MNS1: variants seen among roughly 807,000 people sequenced by gnomAD.
MNS1 encodes meiosis specific nuclear structural 1.
Under a neutral mutation model 72.0 loss-of-function variants are expected in MNS1, and 63 were observed. The observed-to-expected ratio is 0.87, with a 90% CI of 0.71 to 1.08. The LOEUF is 1.08. Ranked by LOEUF, MNS1 falls within the 50% of genes least tolerant of loss-of-function variation. The pLI, the probability that MNS1 is intolerant of heterozygous loss-of-function variation, is 0.00. For synonymous variants in MNS1, 188 were observed against 172.1 expected, an observed-to-expected ratio of 1.09 and a Z score of -0.72; for missense variants, 604 against 562.4, an observed-to-expected ratio of 1.07 and a Z score of -0.75.
At chr15:56,455,329 C>T (rs1303604342) in intron 3 of MNS1, among the ~76,000 whole-genome samples, 2 of 147,866 alleles carry the variant, frequency 1.4e-5, no homozygotes, top group Non-Finnish European at 3.0e-5. Context: ...TAGTTTGAGA[C>T]TAGAACAATA....
At chr15:56,457,872 G>C (rs1284084745) in intron 2 of MNS1, among the ~76,000 whole-genome samples, 2 of 148,918 alleles carry the variant, frequency 1.3e-5, no homozygotes, top group Admixed American at 1.3e-4. Context: ...TACCTCTTAA[G>C]CATTTATCCC....
At chr15:56,441,409 C>T (rs2050812108) in intron 7 of MNS1, among the ~76,000 whole-genome samples, 1 of 151,946 alleles carries the variant, frequency 6.6e-6, no homozygotes, top group African/African-American at 2.4e-5. Flanking sequence ...ATTGATATTG[C>T]TTTCAATACG....
chr15:56,442,905 A>C (rs1371271484), intron 7 of MNS1, among the ~76,000 whole-genome samples: 1 of 151,608 alleles, frequency 6.6e-6, no homozygotes, highest in African/African-American at 2.4e-5. Context: ...TTGGAAAGAG[A>C]AAAAGAAAAA....
At chr15:56,453,036 A>C (rs1448547717) in intron 3 of MNS1, among the ~76,000 whole-genome samples, 1 of 152,148 alleles carries the variant, frequency 6.6e-6, no homozygotes, top group African/African-American at 2.4e-5. Context: ...TCTATTAGTC[A>C]GTTATATTTT....
chr15:56,436,389 A>C (rs2050725383), intron 7 of MNS1, among the ~76,000 whole-genome samples: 2 of 152,204 alleles, frequency 1.3e-5, no homozygotes, highest in African/African-American at 4.8e-5. Context: ...GCAGAAATAA[A>C]GATGTTCTTT....
intron 2 of MNS1, among the ~76,000 whole-genome samples, chr15:56,460,838 T>G (rs752609777): frequency 3.9e-5 from 6 of 152,050 alleles, no homozygotes; most frequent in Non-Finnish European, 7.4e-5. Flanking sequence ...ACAAAAAATA[T>G]AAGAGAGAAA....
At position 56,443,495 on chromosome 15, in the gene MNS1, A is replaced by T. The variant is rs1216710313; in HGVS notation, c.946T>A (p.Leu316Met). The change falls in exon 7 of 10, where the codon TTG becomes ATG. Residue 316 changes from leucine to methionine, a missense_variant. Leu to Met is a conservative substitution (Grantham distance 15). Coordinates refer to ENST00000260453, the MANE Select transcript of MNS1 (RefSeq NM_018365.4). The part of the protein sequence containing the change: ...LEEMLRQRED[L>M]EQVRQELYQE... ...TATAATTCTTGTCGCACTTGTTCCA[A>T]ATCTTCACGTTGCCGCAGCATTTCT... 1.2e-6 allele frequency: 2 copies of T among 1,600,474 alleles called. No individual in the cohort carries two copies. The highest frequency in any genetic ancestry group is 1.3e-5 in the African/African-American group (1 of 74,138).
intron 3 of MNS1, among the ~76,000 whole-genome samples, chr15:56,448,421 T>C (rs535547591): frequency 6.6e-6 from 1 of 152,304 alleles, no homozygotes; most frequent in South Asian, 2.1e-4. Flanking sequence ...ACAGTGTCTG[T>C]TGTTCCCATA....
chr15:56,446,818 A>G (rs1245395456), intron 4 of MNS1, 23 bp downstream of exon 4: 8 of 1,541,410 alleles, frequency 5.2e-6, no homozygotes, highest in East Asian at 2.3e-5. Context: ...AGCTAAAAAC[A>G]TAATGACCAG....
At chr15:56,458,926 AT>A (rs1361647122) in intron 2 of MNS1, among the ~76,000 whole-genome samples, 2 of 152,216 alleles carry the variant, frequency 1.3e-5, no homozygotes, top group Non-Finnish European at 2.9e-5. Context: ...CATTTGTGCT[AT>A]GGCAGCTATA....
chr15:56,459,990 CA>C (rs150132300), intron 2 of MNS1, among the ~76,000 whole-genome samples: 1,365 of 11,160 alleles, frequency 0.12, 137 homozygotes, highest in Admixed American at 0.27. Context: ...AATTCTGTCT[CA>C]AAAAAAAAAA....
intron 2 of MNS1, among the ~76,000 whole-genome samples, chr15:56,463,181 C>T (rs1247751562): frequency 1.3e-5 from 2 of 152,022 alleles, no homozygotes; most frequent in Non-Finnish European, 2.9e-5. Context: ...CACCTTAATC[C>T]CTTAAAATGT....
Position 56,464,070 on chromosome 15 carries a change from G to A in MNS1, c.181C>T (p.Gln61Ter), listed in dbSNP as rs372798427. 1 of 1,613,578 alleles carries A rather than the reference G, an allele frequency of 6.2e-7. No homozygotes were observed. Among genetic ancestry groups the A allele is most frequent in the Non-Finnish European group, 8.5e-7 (1 of 1,179,914 alleles). The change falls in exon 2 of 10, where the codon CAA (glutamine) becomes TAA (stop). Residue 61 changes from glutamine (Q) to a stop codon, truncating the protein, a stop_gained. Transcript: ENST00000260453. LOFTEE classifies it high-confidence loss of function. ...ATATCCAACTCAAATTGTTCATTTT[G>A]TAATAATCTGAGAAATTGCTTGCGC... ...VQRKQFLRLL[Q>*]NEQFELDMEE...
rs546647192 is a variant in MNS1, at chr15:56,464,009, T to G, written c.225+17A>C. The G allele has an allele frequency of 2.5e-6, 4 of 1,580,962 alleles. No individual in the cohort carries two copies. The highest frequency in any genetic ancestry group is 1.4e-5 in the African/African-American group (1 of 73,466). On this transcript the variant is annotated intron_variant, in intron 2 of 9. Transcript: ENST00000260453. ...TGCAAAATGAAAAAAAAAGTAACAA[T>G]GAATAGTAAAACTTACCTTTTGAAT...
intron 7 of MNS1, among the ~76,000 whole-genome samples, chr15:56,438,925 T>C (rs1446687468): frequency 1.3e-5 from 2 of 151,932 alleles, no homozygotes; most frequent in African/African-American, 2.4e-5. Flanking sequence ...TTCTTCAACA[T>C]AGCACTAGCC....
At chr15:56,448,414 G>A (rs533654346) in intron 3 of MNS1, among the ~76,000 whole-genome samples, 1 of 152,290 alleles carries the variant, frequency 6.6e-6, no homozygotes, top group South Asian at 2.1e-4. Context: ...ATAGTTCACA[G>A]TGTCTGTTGT....
intron 3 of MNS1, among the ~76,000 whole-genome samples, chr15:56,452,662 G>C (rs2050955500): frequency 6.6e-6 from 1 of 151,938 alleles, no homozygotes; most frequent in Non-Finnish European, 1.5e-5. Context: ...GGGACTACAG[G>C]CGTGTGCCAC....
At chr15:56,443,935 C>T in intron 5 of MNS1, 81 bp from the exon 6 acceptor site, 1 of 1,063,654 alleles carries the variant, frequency 9.4e-7, no homozygotes, top group African/African-American at 1.6e-5. Context: ...TAATAATGTA[C>T]AGAAAAACAC....
At chr15:56,462,520 A>C (rs1408513921) in intron 2 of MNS1, among the ~76,000 whole-genome samples, 2 of 152,238 alleles carry the variant, frequency 1.3e-5, no homozygotes, top group Non-Finnish European at 2.9e-5. Flanking sequence ...AGATAGGGAA[A>C]TAAATTAAAG....
Sources: gnomAD v4.1 joint callset for allele counts (sites outside exome capture counted in the v4.1 genomes callset) on GRCh38, gnomAD v4.1.1 for gene constraint, MANE v1.5 for transcripts, NCBI Gene and HGNC (gene_info 2026-07-23, HGNC 2026-07-21) for gene names.